Variants in CD72 observed in about 807,000 individuals in gnomAD.
The protein encoded by CD72 is CD72 molecule.
A neutral mutation model predicts 50.7 loss-of-function variants in CD72; 28 were observed. The ratio of observed to expected loss-of-function variants is 0.55; its 90% CI spans 0.41 to 0.76. CD72 has a LOEUF of 0.76. Among genes scored for constraint, CD72 ranks in the 30% least tolerant of loss-of-function variants. The probability of loss-of-function intolerance (pLI) is 0.00; values close to 1 mark genes in which losing one functional copy is unlikely to be tolerated. For synonymous variants in CD72, 176 were observed against 171.2 expected, an observed-to-expected ratio of 1.03 and a Z score of -0.22; for missense variants, 403 against 420.6, an observed-to-expected ratio of 0.96 and a Z score of 0.37.
chr9:35,625,661 T>G (rs1465887272), intron 1 of CD72, among the ~76,000 whole-genome samples: 1 of 152,246 alleles, frequency 6.6e-6, no homozygotes, highest in Non-Finnish European at 1.5e-5. Flanking sequence ...AGTCAGTGCC[T>G]GGCTTCAAAT....
At chr9:35,641,117 C>T (rs1823336151) in intron 1 of CD72, among the ~76,000 whole-genome samples, 1 of 152,142 alleles carries the variant, frequency 6.6e-6, no homozygotes, top group African/African-American at 2.4e-5. Flanking sequence ...GGGAGGTTGG[C>T]TGATGACCGC....
intron 1 of CD72, 43 bp downstream of exon 1, chr9:35,618,179 G>A: frequency 6.2e-7 from 1 of 1,606,580 alleles, no homozygotes; most frequent in Admixed American, 1.7e-5. Flanking sequence ...TGTGGGGCGG[G>A]AAGTGGGGAT....
chr9:35,644,382 G>C (rs1823368316), intron 1 of CD72, among the ~76,000 whole-genome samples: 1 of 144,418 alleles, frequency 6.9e-6, no homozygotes, highest in African/African-American at 2.5e-5. Context: ...AAAAGACCTA[G>C]GTTATTTGTA....
intron 1 of CD72, among the ~76,000 whole-genome samples, chr9:35,633,257 GT>G (rs1322022150): frequency 6.9e-6 from 1 of 144,648 alleles, no homozygotes; most frequent in Admixed American, 6.8e-5. Flanking sequence ...TAGTATTTTT[GT>G]TTTTTGTTTT....
At chr9:35,616,858 C>A in intron 3 of CD72, 169 bp from the exon 4 acceptor site, 1 of 1,026,350 alleles carries the variant, frequency 9.7e-7, no homozygotes, top group Non-Finnish European at 1.4e-6. Flanking sequence ...GGGTGTTTCG[C>A]AGGTAGGGGA....
intron 1 of CD72, among the ~76,000 whole-genome samples, chr9:35,641,571 T>C (rs1487832320): frequency 6.6e-6 from 1 of 152,202 alleles, no homozygotes; most frequent in African/African-American, 2.4e-5. Flanking sequence ...TTTTTCCTTC[T>C]TCGGTGGCTA....
At chr9:35,625,634 C>A (rs1014947346) in intron 1 of CD72, among the ~76,000 whole-genome samples, 7 of 152,238 alleles carry the variant, frequency 4.6e-5, no homozygotes, top group Non-Finnish European at 8.8e-5. Context: ...CTAGGACTTT[C>A]ATAGCTGGAG....
upstream of CD72, among the ~76,000 whole-genome samples, chr9:35,620,471 C>CAA (rs1043285697): frequency 4.1e-4 from 46 of 112,882 alleles, no homozygotes; most frequent in African/African-American, 8.2e-4. Context: ...GCTCCATCTC[C>CAA]AAAAAAAAAA....
chr9:35,627,137 CT>C (rs34386608), intron 1 of CD72, among the ~76,000 whole-genome samples: 267 of 129,136 alleles, frequency 2.1e-3, no homozygotes, highest in Middle Eastern at 6.1e-3. Context: ...CACGCCCGGC[CT>C]TTTTTTTTTT....
At chr9:35,614,399 C>A (rs913070227) in intron 5 of CD72, among the ~76,000 whole-genome samples, 1 of 152,114 alleles carries the variant, frequency 6.6e-6, no homozygotes, top group African/African-American at 2.4e-5. Flanking sequence ...TTGCAGATAT[C>A]CTTGCAAAAG....
chr9:35,630,397 T>A (rs1823234645), intron 1 of CD72, among the ~76,000 whole-genome samples: 1 of 152,220 alleles, frequency 6.6e-6, no homozygotes. Flanking sequence ...TTTGTATTTT[T>A]AAAAAATAGT....
chr9:35,619,411 G>C (rs1161991092), upstream of CD72: 1 of 152,216 alleles, frequency 6.6e-6, no homozygotes, highest in Non-Finnish European at 1.5e-5. Context: ...GATGTAGTGT[G>C]GGGGTGGGAA....
At chr9:35,633,837 C>A (rs1404243075) in intron 1 of CD72, among the ~76,000 whole-genome samples, 3 of 152,156 alleles carry the variant, frequency 2.0e-5, no homozygotes, top group Non-Finnish European at 2.9e-5. Context: ...ATAAACCCAT[C>A]GTAAAGTCAA....
chr9:35,618,407 T>G lies in CD72; in HGVS notation c.-104A>C. 6.4e-7 allele frequency: 1 copy of G among 1,566,576 alleles called. No homozygotes were observed. Among genetic ancestry groups the G allele is most frequent in the Non-Finnish European group, 8.6e-7 (1 of 1,156,792 alleles). Reference sequence around the variant, plus strand: ...ACAACTAGGCTCTGTGTTCCCTCTGTGACTGCACGGCTTAGCAATTGGCCC... The same window carrying G: ...ACAACTAGGCTCTGTGTTCCCTCTGGGACTGCACGGCTTAGCAATTGGCCC... On this transcript the variant is annotated 5_prime_UTR_variant, in exon 1 of 9. Transcript: ENST00000259633.
At chr9:35,616,870 A>T in intron 3 of CD72, 181 bp from the exon 4 acceptor site, 1 of 1,026,784 alleles carries the variant, frequency 9.7e-7, no homozygotes, top group Non-Finnish European at 1.4e-6. Context: ...GGTAGGGGAG[A>T]GGGTGTTCCA....
exon 1 of CD72, chr9:35,646,448 A>G (rs1823393871): frequency 1.3e-5 from 2 of 152,250 alleles, no homozygotes; most frequent in Non-Finnish European, 2.9e-5. Context: ...TTGTGAGTCG[A>G]TCAGCTAGAG....
At chr9:35,632,602 A>G (rs1366946493) in intron 1 of CD72, among the ~76,000 whole-genome samples, 38 of 132,884 alleles carry the variant, frequency 2.9e-4, no homozygotes, top group African/African-American at 9.7e-4. Flanking sequence ...TTCGAGAGGG[A>G]GCCTTACTCT....
intron 6 of CD72, 43 bp downstream of exon 6, chr9:35,612,805 C>T (rs367617911): frequency 6.3e-7 from 1 of 1,593,442 alleles, no homozygotes; most frequent in East Asian, 2.2e-5. Flanking sequence ...TGTCCCTTTA[C>T]CTAATAGTAC....
At chr9:35,614,460 T>G (rs1395565450) in intron 5 of CD72, among the ~76,000 whole-genome samples, 1 of 152,004 alleles carries the variant, frequency 6.6e-6, no homozygotes, top group Non-Finnish European at 1.5e-5. Context: ...TGATGGAAAG[T>G]GAAGGGAATT....
Sources: allele counts gnomAD v4.1 joint callset (sites outside exome capture counted in the v4.1 genomes callset), GRCh38; gene constraint gnomAD v4.1.1; transcripts MANE v1.5; gene names NCBI Gene and HGNC (gene_info 2026-07-23, HGNC 2026-07-21).